The following PAH variants were observed in gnomAD, a reference collection of about 807,000 sequenced individuals.
The protein encoded by PAH is phenylalanine hydroxylase, also known as phenylalanine-4-hydroxylase.
Under a neutral mutation model 62.0 loss-of-function variants are expected in PAH, and 64 were observed. The ratio of observed to expected loss-of-function variants is 1.03; its 90% CI spans 0.84 to 1.27. PAH has a LOEUF of 1.27. Among genes scored for constraint, PAH ranks in the 50% most tolerant of loss-of-function variants. The pLI is 0.00. For synonymous variants in PAH, 195 were observed against 196.2 expected (o/e 0.99, Z 0.05); for missense variants, 579 against 542.8 (o/e 1.07, Z -0.66).
chr12:102,901,034 A>C (rs1306652660), intron 2 of PAH, among the ~76,000 whole-genome samples: 1 of 152,214 alleles, frequency 6.6e-6, no homozygotes, highest in East Asian at 1.9e-4. Context: ...GAAATGAATC[A>C]CCAATTTTTC....
At chr12:102,926,914 G>A (rs1409054467) in intron 1 of PAH, among the ~76,000 whole-genome samples, 1 of 148,682 alleles carries the variant, frequency 6.7e-6, no homozygotes, top group Non-Finnish European at 1.5e-5. Context: ...CTTGAAGTCA[G>A]TCATAGAGTG....
chr12:102,906,345 T>G (rs1877977443), intron 2 of PAH, among the ~76,000 whole-genome samples: 2 of 152,172 alleles, frequency 1.3e-5, no homozygotes, highest in Non-Finnish European at 2.9e-5. Flanking sequence ...ACGACCAGAT[T>G]CCACTTCTAG....
intron 5 of PAH, among the ~76,000 whole-genome samples, chr12:102,857,621 A>G (rs1472053572): frequency 1.3e-5 from 2 of 152,234 alleles, no homozygotes; most frequent in African/African-American, 2.4e-5. Context: ...CTAACAGCTG[A>G]TCTCTCGGCA....
rs1161754856 is a variant in PAH at position 102,957,040 on chromosome 12, C to G, written c.-96+1155G>C. 6.6e-6 allele frequency among the ~76,000 whole-genome samples: 1 copy of G among 152,118 alleles called. No homozygotes were observed. Among genetic ancestry groups the G allele is most frequent in the Non-Finnish European group, 1.5e-5 (1 of 68,012 alleles). ...TCACATAGTCCAGCACTTTTTTTCACTGTTCTGGACGGAGTCCCTCCCCCA... is the reference window on the plus strand; with the variant it reads ...TCACATAGTCCAGCACTTTTTTTCAGTGTTCTGGACGGAGTCCCTCCCCCA... On this transcript the variant is annotated intron_variant, in intron 1 of 4. Coordinates refer to the PAH transcript ENST00000551337. This position sits in a 1 kb window ranked among gnomAD's most constrained non-coding sequence, Gnocchi z 4.1.
At chr12:102,903,362 A>AC (rs1372963871) in intron 2 of PAH, among the ~76,000 whole-genome samples, 1 of 115,704 alleles carries the variant, frequency 8.6e-6, no homozygotes, top group African/African-American at 4.3e-5. Context: ...TTCTGTCTCA[A>AC]AAAAAAAAAA....
At chr12:102,910,688 T>G (rs2136725204) in intron 2 of PAH, among the ~76,000 whole-genome samples, 1 of 152,250 alleles carries the variant, frequency 6.6e-6, no homozygotes, top group South Asian at 2.1e-4. Context: ...TGAATTTGTG[T>G]TTCATAAGCA....
intron 1 of PAH, among the ~76,000 whole-genome samples, chr12:102,948,216 A>C (rs573176586): frequency 6.6e-5 from 10 of 152,324 alleles, no homozygotes; most frequent in African/African-American, 2.2e-4. Context: ...TTTATGAGTT[A>C]ATCAATCAAA....
intron 5 of PAH, among the ~76,000 whole-genome samples, chr12:102,856,338 G>C (rs557408189): frequency 6.6e-6 from 1 of 152,164 alleles, no homozygotes; most frequent in Non-Finnish European, 1.5e-5. Context: ...AGTCCGGGAA[G>C]CTCAAACTGG....
chr12:102,937,923 G>T lies in PAH; in HGVS notation c.-96+12666C>A, dbSNP rs1879158640. Reference sequence around the variant, plus strand: ...TCTTTATTTCTCCTTCATGTTTGAAGAACTTTTTGGCTGGATATACTACTC... The same window carrying T: ...TCTTTATTTCTCCTTCATGTTTGAATAACTTTTTGGCTGGATATACTACTC... On this transcript the variant is annotated intron_variant, in intron 1 of 3. Transcript: ENST00000546844. Among the ~76,000 whole-genome samples, 3 of 152,172 alleles carry T rather than the reference G, an allele frequency of 2.0e-5. No homozygotes were observed. The South Asian group carries it at 6.2e-4, about 32-fold the overall frequency.
At position 102,852,931 on chromosome 12, in the gene PAH, G is replaced by A. The variant is rs1185202729; in HGVS notation, c.726C>T (p.Leu242=). The A allele has an allele frequency of 6.2e-7, 1 of 1,614,108 alleles. No individual in the cohort carries two copies. The highest frequency in any genetic ancestry group is 1.3e-5 in the African/African-American group (1 of 75,038). The change falls in exon 7 of 13, where the codon CTC becomes CTT. Residue 242 remains leucine (L), a synonymous_variant. Transcript: ENST00000553106. The part of the protein sequence containing the change: ...QFLQTCTGFR[L]RPVAGLLSSR... ...AGGAAAGCAGGCCAGCCACAGGTCG[G>A]AGGCGGAAACCAGTGCAAGCTGGGA...
chr12:102,857,761 G>T (rs531174018), intron 5 of PAH, among the ~76,000 whole-genome samples: 34 of 152,140 alleles, frequency 2.2e-4, no homozygotes, highest in Non-Finnish European at 3.7e-4. Flanking sequence ...ATCCTTTACA[G>T]ACAAGCAAAT....
intron 2 of PAH, among the ~76,000 whole-genome samples, chr12:102,907,653 C>T: frequency 6.6e-6 from 1 of 151,524 alleles, no homozygotes; most frequent in East Asian, 1.9e-4. Flanking sequence ...GAGTCTCACT[C>T]TGTTGCCCAG....
rs1565873583 is a variant in PAH, at chr12:102,912,868, G to T, written c.91C>A (p.Gln31Lys). 1 of 1,613,166 alleles carries T rather than the reference G, an allele frequency of 6.2e-7. No homozygotes were observed. Among genetic ancestry groups the T allele is most frequent in the Non-Finnish European group, 8.5e-7 (1 of 1,179,216 alleles). The change falls in exon 2 of 13, where the codon CAA becomes AAA. Residue 31 changes from glutamine (Q) to lysine (K), a missense_variant. Coordinates refer to ENST00000553106, the MANE Select transcript of PAH (RefSeq NM_000277.3). ...AAGATCAGTGATATGGCACCATTTT[G>T]ATTGCAGTTGTCTTCAATATAGCTT... Reference protein sequence around the residue: ...ETSYIEDNCNQNGAISLIFSL... With the variant: ...ETSYIEDNCNKNGAISLIFSL...
intron 1 of PAH, among the ~76,000 whole-genome samples, chr12:102,933,130 A>G (rs1049150139): frequency 6.6e-6 from 1 of 152,090 alleles, no homozygotes; most frequent in African/African-American, 2.4e-5. Flanking sequence ...CCACCACACT[A>G]TCCTTCTCAG....
At chr12:102,855,369 G>A in intron 5 of PAH, 37 bp from the exon 6 acceptor site, 3 of 1,582,540 alleles carry the variant, frequency 1.9e-6, no homozygotes, top group Non-Finnish European at 2.6e-6. Context: ...CTCAAGCAGG[G>A]CAGGGGCACA....
chr12:102,929,300 G>GTAATCTTA (rs1878777604), intron 1 of PAH, among the ~76,000 whole-genome samples: 1 of 152,138 alleles, frequency 6.6e-6, no homozygotes, highest in Non-Finnish European at 1.5e-5. Flanking sequence ...CTTAACAAGT[G>GTAATCTTA]TCATGAAGGA....
intron 1 of PAH, among the ~76,000 whole-genome samples, chr12:102,940,835 C>T (rs192086857): frequency 8.5e-4 from 130 of 152,168 alleles, no homozygotes; most frequent in African/African-American, 2.9e-3. Context: ...CTCTGATATA[C>T]TATAAAAGAT....
At chr12:102,857,960 A>G (rs1371306844) in intron 5 of PAH, among the ~76,000 whole-genome samples, 1 of 152,228 alleles carries the variant, frequency 6.6e-6, no homozygotes, top group Non-Finnish European at 1.5e-5. Context: ...ACAGGATCAA[A>G]TTCACACATA....
chr12:102,882,265 G>A lies in PAH; in HGVS notation c.353-4715C>T, dbSNP rs143064401. Among the ~76,000 whole-genome samples the A allele has an allele frequency of 2.4e-3, 372 of 152,288 alleles. 4 individuals are homozygous for A. In the South Asian group the frequency reaches 0.036, roughly 15 times the overall value. On this transcript the variant is annotated intron_variant, in intron 3 of 12. Transcript: ENST00000553106. ...CTGGGATACTCAGGATCTGGCCCTAGTCCAGAGTTGGTTTCCTATTTGTGT... is the reference window on the plus strand; with the variant it reads ...CTGGGATACTCAGGATCTGGCCCTAATCCAGAGTTGGTTTCCTATTTGTGT...
Sources: allele counts gnomAD v4.1 joint callset (sites outside exome capture counted in the v4.1 genomes callset), GRCh38; gene constraint gnomAD v4.1.1; non-coding constraint Gnocchi (gnomAD v3.1); transcripts MANE v1.5; gene names NCBI Gene and HGNC (gene_info 2026-07-23, HGNC 2026-07-21).